SLC28A3: variants seen among roughly 807,000 people sequenced by gnomAD.
The protein encoded by SLC28A3 is solute carrier family 28 member 3, also known as concentrative Na(+)-nucleoside cotransporter 3.
SLC28A3 carries 68 observed loss-of-function variants against 84.2 expected under a neutral mutation model. The observed-to-expected ratio is 0.81, with a 90% CI of 0.66 to 0.99. SLC28A3 has a LOEUF of 0.99. Ranked by LOEUF, SLC28A3 falls within the 50% of genes least tolerant of loss-of-function variation. The pLI, the probability that SLC28A3 is intolerant of heterozygous loss-of-function variation, is 0.00. For synonymous variants in SLC28A3, 267 were observed against 303.6 expected (o/e 0.88, Z 1.25); for missense variants, 712 against 841.5 (o/e 0.85, Z 1.90).
At chr9:84,350,964 C>T in the SLC28A3 span, among the ~76,000 whole-genome samples, 1 of 152,182 alleles carries the variant, frequency 6.6e-6, no homozygotes, top group Non-Finnish European at 1.5e-5. Context: ...ACCTCAGCCT[C>T]CCAAAGTGCT....
chr9:84,309,716 T>C lies in SLC28A3; in HGVS notation c.157-2A>G, dbSNP rs1430131891. On this transcript the variant is annotated splice_acceptor_variant, in intron 2 of 17. Coordinates refer to ENST00000376238, the MANE Select transcript of SLC28A3 (RefSeq NM_001199633.2). LOFTEE classifies it high-confidence loss of function. ...CTCAACTGTGACCTGTTCTTCATCC[T>C]GGAAATCAAACATTGGAGCAGAGAT... 1.9e-6 allele frequency: 3 copies of C among 1,613,200 alleles called. No homozygotes were observed. In the Admixed American group the frequency reaches 5.0e-5, roughly 27 times the overall value.
the SLC28A3 span, among the ~76,000 whole-genome samples, chr9:84,353,615 C>G: frequency 6.6e-6 from 1 of 152,106 alleles, no homozygotes; most frequent in Non-Finnish European, 1.5e-5. Context: ...GAGGCTGAGG[C>G]AGGAGAATCA....
the SLC28A3 span, among the ~76,000 whole-genome samples, chr9:84,362,511 A>T: frequency 3.9e-5 from 6 of 152,124 alleles, no homozygotes; most frequent in Admixed American, 2.6e-4. Context: ...GCATGCCTGT[A>T]GTCCCAGCTA....
chr9:84,341,791 T>C (rs187272774), upstream of SLC28A3, among the ~76,000 whole-genome samples: 5 of 151,308 alleles, frequency 3.3e-5, no homozygotes, highest in Admixed American at 6.6e-5. Flanking sequence ...AAATAGGGAT[T>C]TTCCCCCCTA....
chr9:84,334,298 C>CA (rs1564179134), intron 1 of SLC28A3, among the ~76,000 whole-genome samples: 2 of 151,024 alleles, frequency 1.3e-5, no homozygotes, highest in Admixed American at 6.6e-5. Flanking sequence ...GACTCTGTCT[C>CA]AAAAAAACAA....
chr9:84,292,520 A>T, intron 10 of SLC28A3, 148 bp downstream of exon 10: 1 of 558,184 alleles, frequency 1.8e-6, no homozygotes, highest in South Asian at 2.4e-5. Flanking sequence ...CTCCCCCTGG[A>T]ATCCGGACAT....
At chr9:84,326,059 G>C (rs1308720166) in intron 1 of SLC28A3, among the ~76,000 whole-genome samples, 1 of 152,074 alleles carries the variant, frequency 6.6e-6, no homozygotes, top group African/African-American at 2.4e-5. Flanking sequence ...ATCGTGTTGT[G>C]CTTTTGTCTG....
intron 5 of SLC28A3, among the ~76,000 whole-genome samples, chr9:84,301,369 A>AAAAAAAAAAAAAAAAAAAG (rs753889714): frequency 1.1e-4 from 14 of 132,428 alleles, no homozygotes; most frequent in East Asian, 2.8e-4. Flanking sequence ...AAAAAAAAAA[A>AAAAAAAAAAAAAAAAAAAG]AAAAAGAAAA....
At chr9:84,306,710 A>C (rs1010830370) in intron 3 of SLC28A3, among the ~76,000 whole-genome samples, 2 of 152,204 alleles carry the variant, frequency 1.3e-5, no homozygotes, top group South Asian at 4.1e-4. Flanking sequence ...CAGCACTATG[A>C]GTAGAACGTT....
Position 84,278,134 on chromosome 9 carries a change from G to A in SLC28A3, c.*84C>T. ...TTCCATTATGGAAGCATCAATCTGT[G>A]GACAATAGCTTCTTTTTTTTTTCTT... is the stretch of plus-strand genomic sequence containing the variant. On this transcript the variant is annotated 3_prime_UTR_variant, in exon 18 of 18. Coordinates refer to ENST00000376238, the MANE Select transcript of SLC28A3 (RefSeq NM_001199633.2). 1 of 1,501,846 alleles carries A rather than the reference G, an allele frequency of 6.7e-7. No individual in the cohort carries two copies. The highest frequency in any genetic ancestry group is 9.0e-7 in the Non-Finnish European group (1 of 1,114,642). 93.0% of individuals were successfully genotyped at this position (1,501,846 alleles called of 1,614,324 possible).
Position 84,285,539 on chromosome 9 carries a change from T to G in SLC28A3, c.1453A>C (p.Ile485Leu), listed in dbSNP as rs1824947708. 1 of 1,614,116 alleles carries G rather than the reference T, an allele frequency of 6.2e-7. No individual in the cohort carries two copies. The highest frequency in any genetic ancestry group is 1.1e-5 in the South Asian group (1 of 91,080). The change falls in exon 14 of 18, where the codon ATC becomes CTC. Residue 485 changes from isoleucine (I) to leucine (L), a missense_variant. Ile to Leu is a conservative substitution (Grantham distance 5). Transcript: ENST00000376238. Reference sequence around the variant, plus strand: ...AAGGGCATGAAGATGTAGGAGCAGATTAGCTACAGAAACCAAAAGTAGACA... The same window carrying G: ...AAGGGCATGAAGATGTAGGAGCAGAGTAGCTACAGAAACCAAAAGTAGACA... ...FDYPQLSFEL[I>L]CSYIFMPFSF... is the part of the protein sequence containing the mutation.
rs1176013275 is a variant in SLC28A3, at chr9:84,305,346, C to T, written c.243-1G>A. On this transcript the variant is annotated splice_acceptor_variant, in intron 3 of 17. Coordinates refer to ENST00000376238, the MANE Select transcript of SLC28A3 (RefSeq NM_001199633.2). LOFTEE classifies it high-confidence loss of function. ...TGTGTCATACCTCCTTTCCAAACAC[C>T]TGCAACATAAAAGCAAAAAGGCAGG... 2 of 1,612,346 alleles carry T rather than the reference C, an allele frequency of 1.2e-6. No homozygotes were observed. The highest frequency in any genetic ancestry group is 1.7e-6 in the Non-Finnish European group (2 of 1,179,522).
chr9:84,299,460 A>T lies in SLC28A3; in HGVS notation c.669+121T>A, dbSNP rs1825540285. 4.6e-6 allele frequency: 6 copies of T among 1,297,566 alleles called. No individual in the cohort carries two copies. In the South Asian group the frequency reaches 8.8e-5, roughly 19 times the overall value. The allele number at this position is 1,297,566 out of a possible 1,614,324, so 80.4% of individuals were successfully genotyped here. A position where few individuals can be genotyped will look rare whatever the true frequency, so the allele number is the denominator to read the frequency against. On this transcript the variant is annotated intron_variant, in intron 6 of 17. Transcript: ENST00000376238. ...TAGGGCACCCTGGTCACGTTAAATA[A>T]TCCCATCAAGGTAAGAAAAGTACTG...
the SLC28A3 span, among the ~76,000 whole-genome samples, chr9:84,368,683 C>T: frequency 6.6e-6 from 1 of 152,042 alleles, no homozygotes; most frequent in Non-Finnish European, 1.5e-5. Context: ...AAGTCCTCCC[C>T]ACTCTTCCTT....
intron 1 of SLC28A3, among the ~76,000 whole-genome samples, chr9:84,316,803 C>G (rs1018574263): frequency 1.6e-4 from 25 of 152,124 alleles, no homozygotes; most frequent in African/African-American, 6.0e-4. Context: ...GTGTTCGAGA[C>G]CAGCCTGGCC....
intron 2 of SLC28A3, among the ~76,000 whole-genome samples, chr9:84,311,002 T>C (rs762726377): frequency 1.3e-4 from 20 of 152,208 alleles, no homozygotes; most frequent in Non-Finnish European, 2.5e-4. Flanking sequence ...AAACAACAAC[T>C]ACAAATCTCC....
intron 1 of SLC28A3, among the ~76,000 whole-genome samples, chr9:84,337,127 A>G (rs1197989947): frequency 1.3e-5 from 2 of 152,184 alleles, no homozygotes; most frequent in Non-Finnish European, 2.9e-5. Flanking sequence ...CAAAATATAA[A>G]AAATAATAAA....
intron 1 of SLC28A3, 137 bp from the exon 2 acceptor site, chr9:84,313,591 A>G (rs1035102181): frequency 2.1e-5 from 14 of 657,734 alleles, no homozygotes; most frequent in Admixed American, 5.4e-5. Flanking sequence ...CCGATTCAAC[A>G]AACAGCTGAC....
upstream of SLC28A3, among the ~76,000 whole-genome samples, chr9:84,343,352 T>C (rs977211830): frequency 1.3e-5 from 2 of 152,190 alleles, no homozygotes; most frequent in African/African-American, 4.8e-5. Context: ...TATCAGTGAC[T>C]GAGGCCCAGT....
Sources: allele counts gnomAD v4.1 joint callset (sites outside exome capture counted in the v4.1 genomes callset), GRCh38; gene constraint gnomAD v4.1.1; transcripts MANE v1.5; gene names NCBI Gene and HGNC (gene_info 2026-07-23, HGNC 2026-07-21).